Variants in RPAP1 observed in about 807,000 individuals in gnomAD.
RPAP1 encodes the protein RNA polymerase II associated protein 1, also known as RNA polymerase II-associated protein 1.
A neutral mutation model predicts 142.4 loss-of-function variants in RPAP1; 109 were observed. That is an observed-to-expected ratio of 0.77 (90% confidence interval 0.66 to 0.90). The LOEUF is 0.90. RPAP1 is among the 40% of genes least tolerant of loss of function. The pLI, the probability that RPAP1 is intolerant of heterozygous loss-of-function variation, is 0.00. For missense variants in RPAP1, 1,546 were observed against 1,751.7 expected, an observed-to-expected ratio of 0.88 and a Z score of 2.10; for synonymous variants, 704 against 738.9, an observed-to-expected ratio of 0.95 and a Z score of 0.77.
intron 6 of RPAP1, among the ~76,000 whole-genome samples, chr15:41,531,627 A>ATTTTTT (rs150550154): frequency 2.7e-4 from 6 of 22,028 alleles, no homozygotes; most frequent in Admixed American, 1.2e-3. Flanking sequence ...ATATATATAT[A>ATTTTTT]TTTTTTTTTT....
At chr15:41,536,105 C>A in intron 4 of RPAP1, 24 bp downstream of exon 4, 1 of 1,592,674 alleles carries the variant, frequency 6.3e-7, no homozygotes, top group Non-Finnish European at 8.6e-7. Context: ...CTCCTGAGCA[C>A]CACCTAAGCT....
Position 41,517,654 on chromosome 15 carries a change from T to C in RPAP1, c.4070A>G (p.Asn1357Ser). 6.2e-7 allele frequency: 1 copy of C among 1,612,506 alleles called. No homozygotes were observed. The highest frequency in any genetic ancestry group is 1.1e-5 in the South Asian group (1 of 90,896). Reference sequence around the variant, plus strand: ...CTCAAAGCCCTCTGGGAGCGTGGAATTGGGAAGCTTATAGTGCAGGAGGTG... The same window carrying C: ...CTCAAAGCCCTCTGGGAGCGTGGAACTGGGAAGCTTATAGTGCAGGAGGTG... ...RQHLLHYKLP[N>S]STLPEGFELY... The change falls in exon 25 of 25, where the codon AAT (asparagine) becomes AGT (serine). Residue 1357 changes from asparagine to serine, a missense_variant. Physicochemically the swap from Asn to Ser is conservative, Grantham distance 46 (BLOSUM62 1). Transcript: ENST00000304330.
chr15:41,524,665 G>A (rs545086038), intron 15 of RPAP1, among the ~76,000 whole-genome samples: 24 of 152,004 alleles, frequency 1.6e-4, no homozygotes, highest in Admixed American at 2.6e-4. Context: ...TAATAGAGAC[G>A]GGGTTTCACC....
intron 7 of RPAP1, among the ~76,000 whole-genome samples, chr15:41,530,674 C>A (rs573391422): frequency 2.0e-5 from 3 of 152,270 alleles, no homozygotes; most frequent in East Asian, 3.9e-4. Context: ...GCACTGTGAG[C>A]AGAGAGAGAA....
In RPAP1 at chr15:41,521,846, G is replaced by T; in HGVS notation, c.2930C>A (p.Ala977Asp). ...GGCCAAGGCCATACCATGATAGAGG[G>T]CAGCATGGGTGGCTGGCAGTGGCTG... ...ALQPLPATHAALYHGMALALL... is the reference protein window; with the variant it reads ...ALQPLPATHADLYHGMALALL... Residue 977 changes from alanine to aspartate, a missense_variant, in exon 21 of 25, where the codon GCC becomes GAC. Around this residue, in one of 3 missense-constraint regions of RPAP1, gnomAD observed 1,333 missense variants for 1,486.6 expected, o/e 0.90. Coordinates refer to ENST00000304330, the MANE Select transcript of RPAP1 (RefSeq NM_015540.4). 1 of 1,614,158 alleles carries T rather than the reference G, an allele frequency of 6.2e-7. No homozygotes were observed. The highest frequency in any genetic ancestry group is 8.5e-7 in the Non-Finnish European group (1 of 1,180,002).
At chr15:41,537,279 T>C in intron 1 of RPAP1, 78 bp from the exon 2 acceptor site, 1 of 712,764 alleles carries the variant, frequency 1.4e-6, no homozygotes, top group Non-Finnish European at 2.3e-6. Context: ...AGATCTTCTT[T>C]ATCCTTGGGT....
rs1263349632 is a variant in RPAP1, at chr15:41,527,515, C to T, written c.1519G>A (p.Asp507Asn). The change falls in exon 12 of 25, where the codon GAT becomes AAT. Residue 507 changes from aspartate to asparagine, a missense_variant. By Grantham distance (23) the Asp-to-Asn change is conservative. Around this residue, in one of 3 missense-constraint regions of RPAP1, gnomAD observed 1,333 missense variants for 1,486.6 expected, o/e 0.90. Transcript: ENST00000304330. ...SQEDKEDEDE[D>N]EECPAGKAKR... ...GCTTTTCCTGCTGGGCATTCTTCAT[C>T]CTCGTCCTCATCCTCCTTGTCCTCC... 6.2e-7 allele frequency: 1 copy of T among 1,613,932 alleles called. No homozygotes were observed. Among genetic ancestry groups the T allele is most frequent in the East Asian group, 2.2e-5 (1 of 44,880 alleles).
chr15:41,536,190 T>C lies in RPAP1; in HGVS notation c.359A>G (p.Asn120Ser), dbSNP rs2051905000. 1 of 1,614,106 alleles carries C rather than the reference T, an allele frequency of 6.2e-7. No individual in the cohort carries two copies. Residue 120 changes from asparagine (N) to serine (S), a missense_variant, in exon 4 of 25, where the codon AAT becomes AGT. By Grantham distance (46) the Asn-to-Ser change is conservative (BLOSUM62 1). Around this residue, in one of 3 missense-constraint regions of RPAP1, gnomAD observed 1,333 missense variants for 1,486.6 expected, o/e 0.90. Coordinates refer to ENST00000304330, the MANE Select transcript of RPAP1 (RefSeq NM_015540.4). ...AGCAACACCACTGGGCACAGGCAGATTCACGGCCACTGAACTTGTATCTCG... is the reference window on the plus strand; with the variant it reads ...AGCAACACCACTGGGCACAGGCAGACTCACGGCCACTGAACTTGTATCTCG... Reference protein sequence around the residue: ...IERDTSSVAVNLPVPSGVAFP... With the variant: ...IERDTSSVAVSLPVPSGVAFP...
chr15:41,521,184 A>G, intron 21 of RPAP1, 37 bp from the exon 22 acceptor site: 9 of 1,508,178 alleles, frequency 6.0e-6, no homozygotes, highest in Non-Finnish European at 8.0e-6. Flanking sequence ...TGAGGGCTGG[A>G]ACCACAGCAC....
intron 3 of RPAP1, 129 bp from the exon 4 acceptor site, chr15:41,536,347 G>A (rs1224472419): frequency 1.1e-5 from 15 of 1,312,140 alleles, no homozygotes; most frequent in Non-Finnish European, 6.5e-6. Context: ...CCTCCCTTCA[G>A]GGCAGTGATT....
intron 15 of RPAP1, among the ~76,000 whole-genome samples, 158 bp downstream of exon 15, chr15:41,524,833 C>T (rs938245765): frequency 1.3e-5 from 2 of 152,078 alleles, no homozygotes; most frequent in African/African-American, 4.8e-5. Flanking sequence ...CCTGGCTGGG[C>T]CTGACTCCTA....
Position 41,527,171 on chromosome 15 carries a change from G to C in RPAP1, c.1742C>G (p.Thr581Arg). Reference protein sequence around the residue: ...RLARHSLESATRVLECPRLIE... With the variant: ...RLARHSLESARRVLECPRLIE... ...CCCTGCTCCCTTTTTTCTCACCCTT[G>C]TGGCTGATTCCAGGGAATGCCGGGC... The change falls in exon 13 of 25, where the codon ACA (threonine) becomes AGA (arginine). Residue 581 changes from threonine to arginine, a missense_variant. Transcript: ENST00000304330. 1.9e-6 allele frequency: 3 copies of C among 1,614,146 alleles called. No homozygotes were observed. The highest frequency in any genetic ancestry group is 1.1e-5 in the South Asian group (1 of 91,084).
chr15:41,534,009 A>C (rs2051882033), intron 6 of RPAP1, among the ~76,000 whole-genome samples: 1 of 148,954 alleles, frequency 6.7e-6, no homozygotes, highest in African/African-American at 2.5e-5. Flanking sequence ...GTAATCCCAG[A>C]TACTCAGGAG....
At chr15:41,527,393 C>T in intron 12 of RPAP1, 30 bp downstream of exon 12, 2 of 1,613,526 alleles carry the variant, frequency 1.2e-6, no homozygotes, top group South Asian at 2.2e-5. Context: ...TCCCCTGGGC[C>T]ATGGGATGGG....
At chr15:41,539,490 G>T (rs1370296307) in intron 1 of RPAP1, among the ~76,000 whole-genome samples, 1 of 151,892 alleles carries the variant, frequency 6.6e-6, no homozygotes, top group Non-Finnish European at 1.5e-5. Context: ...TAGAGACAGG[G>T]TTTCACCATG....
chr15:41,525,248 G>GC lies in RPAP1; in HGVS notation c.1918-101dup, dbSNP rs1158991362. On this transcript the variant is annotated intron_variant, in intron 14 of 24. Transcript: ENST00000304330. Reference sequence around the variant, plus strand: ...GTGGCTTAACTCAACCCTGACCCAGGCCCCTCTGGTGCCACAAAGTCATAC... The same window carrying GC: ...GTGGCTTAACTCAACCCTGACCCAGGCCCCCTCTGGTGCCACAAAGTCATAC... 3 of 1,003,824 alleles carry GC rather than the reference G, an allele frequency of 3.0e-6. No individual in the cohort carries two copies. The East Asian group carries it at 9.2e-5, about 31-fold the overall frequency. The allele number at this position is 1,003,824 out of a possible 1,614,324, so 62.2% of individuals were successfully genotyped here. A position where few individuals can be genotyped will look rare whatever the true frequency, so the allele number is the denominator to read the frequency against.
At chr15:41,534,667 T>G (rs373769662) in intron 6 of RPAP1, 47 bp downstream of exon 6, 13 of 1,410,344 alleles carry the variant, frequency 9.2e-6, no homozygotes, top group Non-Finnish European at 1.3e-5. Flanking sequence ...CAATAAGTGG[T>G]ATTCCTCTCC....
In RPAP1 at chr15:41,526,894, T is replaced by C; in HGVS notation, c.1917+4A>G. On this transcript the variant is annotated splice_donor_region_variant and intron_variant, in intron 14 of 24. Transcript: ENST00000304330. ...CCCCATCCCTTGCCCTGTGTCCTGC[T>C]CACCAGCCGGGCAGCAATATTCCTC... 6.2e-7 allele frequency: 1 copy of C among 1,608,290 alleles called. No homozygotes were observed. The highest frequency in any genetic ancestry group is 8.5e-7 in the Non-Finnish European group (1 of 1,175,994).
In RPAP1 at chr15:41,517,988, G is replaced by A. The variant is rs1271666423; in HGVS notation, c.3972+18C>T. Reference sequence around the variant, plus strand: ...TGCTAGCTCCCTTCCTTCCTCTGAAGATGGAGATGTAACTTACTGAGCTCT... The same window carrying A: ...TGCTAGCTCCCTTCCTTCCTCTGAAAATGGAGATGTAACTTACTGAGCTCT... On this transcript the variant is annotated intron_variant, in intron 23 of 24. Coordinates refer to ENST00000304330, the MANE Select transcript of RPAP1 (RefSeq NM_015540.4). The A allele has an allele frequency of 3.1e-6, 5 of 1,613,954 alleles. No individual in the cohort carries two copies. The Admixed American group carries it at 5.0e-5, about 16-fold the overall frequency.
Sources: gnomAD v4.1 joint callset for allele counts (sites outside exome capture counted in the v4.1 genomes callset) on GRCh38, gnomAD v4.1.1 for gene constraint, gnomAD v4.1.1 regional missense constraint, MANE v1.5 for transcripts, NCBI Gene and HGNC (gene_info 2026-07-23, HGNC 2026-07-21) for gene names.